Variants in TPM3 observed in about 807,000 individuals in gnomAD.
TPM3 encodes the protein tropomyosin alpha-3 chain.
In TPM3, 16 loss-of-function variants were observed where a neutral mutation model predicts 43.1. That is an observed-to-expected ratio of 0.37 (90% CI 0.25 to 0.56). The LOEUF is 0.56. TPM3 is among the 20% of genes least tolerant of loss of function. The probability of loss-of-function intolerance (pLI) is 0.77; values close to 1 mark genes in which losing one functional copy is unlikely to be tolerated. For synonymous variants in TPM3, 101 were observed against 116.9 expected, an observed-to-expected ratio of 0.86 and a Z score of 0.88; for missense variants, 176 against 337.2, an observed-to-expected ratio of 0.52 and a Z score of 3.74.
rs374649265 is a variant in TPM3, at chr1:154,167,928, C to A, written c.*9G>T. 1.9e-6 allele frequency: 3 copies of A among 1,613,700 alleles called. No homozygotes were observed. In the Admixed American group the frequency reaches 5.0e-5, roughly 27 times the overall value. ...GGGCAGATCCAGAACAGAGCAGAAA[C>A]GGTGATAATTATCTGTATGAAAAAG... On this transcript the variant is annotated 3_prime_UTR_variant, in exon 10 of 10. Coordinates refer to ENST00000651641, the MANE Select transcript of TPM3 (RefSeq NM_152263.4).
chr1:154,174,364 A>ATG (rs201374790), intron 3 of TPM3, among the ~76,000 whole-genome samples: 11,966 of 52,838 alleles, frequency 0.23, 1,405 homozygotes, highest in Admixed American at 0.28. Context: ...ATTTAAATAT[A>ATG]TGTGTATATA....
In TPM3 at chr1:154,167,805, T is replaced by C; in HGVS notation, c.*132A>G. The C allele has an allele frequency of 6.3e-7, 1 of 1,583,724 alleles. No individual in the cohort carries two copies. Among genetic ancestry groups the C allele is most frequent in the Non-Finnish European group, 8.6e-7 (1 of 1,164,662 alleles). Reference sequence around the variant, plus strand: ...GGGTGGAAGAAAATACATAAGTTGCTTTTTGCTCCCCCATCCTAATGCCTT... The same window carrying C: ...GGGTGGAAGAAAATACATAAGTTGCCTTTTGCTCCCCCATCCTAATGCCTT... On this transcript the variant is annotated 3_prime_UTR_variant, in exon 10 of 10. Coordinates refer to ENST00000651641, the MANE Select transcript of TPM3 (RefSeq NM_152263.4).
At position 154,164,039 on chromosome 1, in the gene TPM3, G is replaced by T. The variant is rs759552131; in HGVS notation, c.*3898C>A. Among the ~76,000 whole-genome samples the T allele has an allele frequency of 2.6e-5, 4 of 151,910 alleles. No homozygotes were observed. The highest frequency in any genetic ancestry group is 5.9e-5 in the Non-Finnish European group (4 of 68,008). ...CCAACTCTCTTATGTCAACCTCTCT[G>T]CCTCACGCCCTAGAATTTTGTTTTC... On this transcript the variant is annotated 3_prime_UTR_variant, in exon 10 of 10. Transcript: ENST00000651641.
At chr1:154,190,317 A>G (rs1441053319) in intron 2 of TPM3, among the ~76,000 whole-genome samples, 1 of 152,156 alleles carries the variant, frequency 6.6e-6, no homozygotes, top group Non-Finnish European at 1.5e-5. Flanking sequence ...TTCCACCAAT[A>G]CTGGGACATT....
At chr1:154,183,121 G>A in intron 2 of TPM3, 1 of 1,598,308 alleles carries the variant, frequency 6.3e-7, no homozygotes, top group Non-Finnish European at 8.5e-7. Context: ...CCCAGCCATG[G>A]TGCCCACCCA....
intron 2 of TPM3, among the ~76,000 whole-genome samples, chr1:154,179,237 A>C (rs1156267897): frequency 6.6e-6 from 1 of 152,248 alleles, no homozygotes; most frequent in Non-Finnish European, 1.5e-5. Context: ...AACTTCACCA[A>C]AGGGGAGGCA....
At chr1:154,184,635 C>T (rs145601470) in intron 2 of TPM3, among the ~76,000 whole-genome samples, 1 of 152,300 alleles carries the variant, frequency 6.6e-6, no homozygotes, top group Non-Finnish European at 1.5e-5. Flanking sequence ...CCACTGTCAG[C>T]CGGGCGGGGT....
chr1:154,174,405 T>TATATATATATAC (rs1553249385), intron 3 of TPM3, among the ~76,000 whole-genome samples: 1 of 89,530 alleles, frequency 1.1e-5, no homozygotes, highest in Non-Finnish European at 2.1e-5. Context: ...TATATATATA[T>TATATATATATAC]ATACACACAA....
downstream of TPM3, chr1:154,158,956 T>TG (rs768716871): frequency 1.3e-6 from 1 of 780,262 alleles, no homozygotes; most frequent in East Asian, 2.4e-5. Flanking sequence ...TGGGCATCAT[T>TG]GAGCCCTGCC....
rs1174921010 is a variant in TPM3 at position 154,163,181 on chromosome 1, A to G, written c.*4756T>C. On this transcript the variant is annotated 3_prime_UTR_variant, in exon 10 of 10. Transcript: ENST00000651641. ...CTGCCCAGGATCTGAATATTTAGAAATGCATTGTCCAATATAATAGCCACT... is the reference window on the plus strand; with the variant it reads ...CTGCCCAGGATCTGAATATTTAGAAGTGCATTGTCCAATATAATAGCCACT... Among the ~76,000 whole-genome samples, 1 of 152,154 alleles carries G rather than the reference A, an allele frequency of 6.6e-6. No individual in the cohort carries two copies. Among genetic ancestry groups the G allele is most frequent in the Non-Finnish European group, 1.5e-5 (1 of 68,028 alleles).
At chr1:154,183,912 G>A (rs1663259573) in intron 2 of TPM3, 1 of 143,362 alleles carries the variant, frequency 7.0e-6, no homozygotes. Flanking sequence ...GCTGGAGTGC[G>A]GCAGTGGCGA....
chr1:154,181,902 CAG>C (rs1028483323), intron 2 of TPM3, among the ~76,000 whole-genome samples: 42 of 152,252 alleles, frequency 2.8e-4, no homozygotes, highest in African/African-American at 1.0e-3. Context: ...GCCTGAGCGA[CAG>C]AGTGAGACTC....
downstream of TPM3, among the ~76,000 whole-genome samples, chr1:154,160,893 G>A (rs1340506183): frequency 6.6e-6 from 1 of 152,008 alleles, no homozygotes; most frequent in African/African-American, 2.4e-5. Context: ...ATACAGATGT[G>A]TGTGTTTGTG....
intron 5 of TPM3, chr1:154,172,522 A>G (rs964093818): frequency 4.1e-6 from 2 of 491,356 alleles, no homozygotes; most frequent in African/African-American, 3.9e-5. Context: ...CATACTAAGT[A>G]GCTGGGACTA....
downstream of TPM3, among the ~76,000 whole-genome samples, chr1:154,161,756 C>T (rs1317723835): frequency 2.0e-5 from 3 of 151,946 alleles, no homozygotes; most frequent in Admixed American, 1.3e-4. Flanking sequence ...GGATCTTTAT[C>T]CCTCAAAGCA....
At chr1:154,177,337 C>T (rs1662450499) in intron 2 of TPM3, among the ~76,000 whole-genome samples, 1 of 152,128 alleles carries the variant, frequency 6.6e-6, no homozygotes, top group Admixed American at 6.6e-5. Context: ...TCCAGCCATC[C>T]CCTTAGCTTC....
At chr1:154,169,805 C>G (rs1661376907) in intron 8 of TPM3, 1 of 274,120 alleles carries the variant, frequency 3.6e-6, no homozygotes, top group Non-Finnish European at 7.1e-6. Flanking sequence ...CCCCTCTGCT[C>G]CACAGGCTGC....
intron 2 of TPM3, chr1:154,183,391 T>TAAACTGGGCCAGTAAAC (rs1663207063): frequency 8.4e-7 from 1 of 1,193,864 alleles, no homozygotes; most frequent in Non-Finnish European, 1.1e-6. Context: ...TGGGACGGGG[T>TAAACTGGGCCAGTAAAC]TGGGACGAGG....
chr1:154,170,511 A>G, intron 7 of TPM3, 42 bp from the exon 8 acceptor site: 1 of 1,610,522 alleles, frequency 6.2e-7, no homozygotes, highest in Non-Finnish European at 8.5e-7. Flanking sequence ...AGATGAAGAC[A>G]AAGAAGAACA....
Sources: gnomAD v4.1 joint callset for allele counts (sites outside exome capture counted in the v4.1 genomes callset) on GRCh38, gnomAD v4.1.1 for gene constraint, MANE v1.5 for transcripts, NCBI Gene and HGNC (gene_info 2026-07-23, HGNC 2026-07-21) for gene names.